The following TMEM114 variants were observed in gnomAD, a reference collection of about 807,000 sequenced individuals.
TMEM114 encodes claudin-26.
Under a neutral mutation model 6.2 loss-of-function variants are expected in TMEM114, and 6 were observed. The observed-to-expected ratio is 0.97, with a 90% CI of 0.53 to 1.91. TMEM114 has a LOEUF of 1.91. Ranked by LOEUF, TMEM114 falls within the 40% of genes most tolerant of loss-of-function variation. The pLI, the probability that TMEM114 is intolerant of heterozygous loss-of-function variation, is 0.01. For synonymous variants in TMEM114, 104 were observed against 73.0 expected, an observed-to-expected ratio of 1.42 and a Z score of -2.16; for missense variants, 218 against 158.3, an observed-to-expected ratio of 1.38 and a Z score of -2.02.
chr16:8,583,449 G>A (rs958890373), intron 2 of TMEM114, among the ~76,000 whole-genome samples: 4 of 152,080 alleles, frequency 2.6e-5, no homozygotes, highest in African/African-American at 9.7e-5. Context: ...TGACTCATCA[G>A]AAGTCACACA....
At chr16:8,536,134 A>G (rs1405516186), downstream of TMEM114, among the ~76,000 whole-genome samples, 1 of 151,914 alleles carries the variant, frequency 6.6e-6, no homozygotes, top group African/African-American at 2.4e-5. Context: ...CTGAGGCAGG[A>G]CAATCACTTG....
rs1271015086 is a variant in TMEM114, at chr16:8,589,226, G to T, written c.288C>A (p.Ser96Arg). Residue 96 changes from serine (S) to arginine (R), a missense_variant, in exon 2 of 4, where the codon AGC becomes AGA. Physicochemically the swap from Ser to Arg is moderately radical, Grantham distance 110. Coordinates refer to ENST00000620492, the MANE Select transcript of TMEM114 (RefSeq NM_001146336.2). ...RLENVTVSESSRQLLTMHGTF... is the reference protein window; with the variant it reads ...RLENVTVSESRRQLLTMHGTF... ...CCCCGGACTCACTGAGAAGTTGCCG[G>T]CTCGATTCGCTGACTGTCACGTTCT... The T allele has an allele frequency of 2.5e-6, 1 of 398,782 alleles. No individual in the cohort carries two copies. The highest frequency in any genetic ancestry group is 4.4e-6 in the Non-Finnish European group (1 of 226,292). 24.7% of individuals were successfully genotyped at this position (398,782 alleles called of 1,614,324 possible).
At chr16:8,538,715 C>G (rs1477109420) in intron 2 of TMEM114, among the ~76,000 whole-genome samples, 1 of 152,074 alleles carries the variant, frequency 6.6e-6, no homozygotes, top group African/African-American at 2.4e-5. Flanking sequence ...ACCCTGTTAG[C>G]CAGGATGGTG....
the TMEM114 span, among the ~76,000 whole-genome samples, chr16:8,531,083 G>A: frequency 6.6e-6 from 1 of 152,030 alleles, no homozygotes; most frequent in South Asian, 2.1e-4. Context: ...AAAAAAGGGA[G>A]GCCCATTGCA....
chr16:8,559,201 C>A (rs1437565538), intron 2 of TMEM114, among the ~76,000 whole-genome samples: 1 of 151,576 alleles, frequency 6.6e-6, no homozygotes, highest in East Asian at 1.9e-4. Context: ...CGCCACTACG[C>A]CCGGATAATT....
At chr16:8,565,909 A>G (rs1386634702), downstream of TMEM114, among the ~76,000 whole-genome samples, 2 of 152,238 alleles carry the variant, frequency 1.3e-5, no homozygotes. Context: ...GCCAGGGTTG[A>G]GAACCACTGT....
At chr16:8,561,896 G>C (rs573732633) in intron 2 of TMEM114, among the ~76,000 whole-genome samples, 7 of 134,542 alleles carry the variant, frequency 5.2e-5, no homozygotes, top group Admixed American at 1.5e-4. Flanking sequence ...GAGTGAATGA[G>C]TAAATGAGTG....
downstream of TMEM114, among the ~76,000 whole-genome samples, chr16:8,537,149 G>C (rs1900384473): frequency 6.6e-6 from 1 of 151,950 alleles, no homozygotes; most frequent in African/African-American, 2.4e-5. Flanking sequence ...AAGCTGCAGA[G>C]AGCTGTGATT....
the TMEM114 span, among the ~76,000 whole-genome samples, chr16:8,527,439 T>A: frequency 1.3e-5 from 2 of 152,208 alleles, no homozygotes; most frequent in Admixed American, 1.3e-4. Context: ...AGTCCTCTTG[T>A]CTGTGAGATG....
chr16:8,548,694 G>GTGTATATATATATATATATATATATATA (rs1555461967), intron 2 of TMEM114, among the ~76,000 whole-genome samples: 48 of 140,000 alleles, frequency 3.4e-4, no homozygotes, highest in Admixed American at 8.4e-4. Context: ...AAATTGCCAT[G>GTGTATATATATATATATATATATATATA]TATATATATA....
Position 8,569,914 on chromosome 16 carries a change from G to T in TMEM114, c.531C>A (p.Leu177=), listed in dbSNP as rs1232973643. 1.2e-5 allele frequency: 18 copies of T among 1,551,232 alleles called. No individual in the cohort carries two copies. The highest frequency in any genetic ancestry group is 1.5e-5 in the Non-Finnish European group (17 of 1,146,958). The change falls in exon 4 of 4, where the codon CTC becomes CTA. Residue 177 remains leucine, a synonymous_variant. Coordinates refer to ENST00000620492, the MANE Select transcript of TMEM114 (RefSeq NM_001146336.2). ...EALCLLEEKA[L]LDQVDISFGW... ...CGAAGCTGATGTCCACCTGGTCCAG[G>T]AGGGCCTTCTCCTCCAAGAGACACA...
chr16:8,553,842 G>T (rs992597647), intron 2 of TMEM114, among the ~76,000 whole-genome samples: 1 of 151,646 alleles, frequency 6.6e-6, no homozygotes, highest in Non-Finnish European at 1.5e-5. Flanking sequence ...TGGAATTACA[G>T]GCTCACACCA....
chr16:8,526,691 G>C, the TMEM114 span: 1 of 152,202 alleles, frequency 6.6e-6, no homozygotes, highest in African/African-American at 2.4e-5. Context: ...GCAGAACAGG[G>C]AGACAATTAA....
chr16:8,572,354 C>T (rs1373391576), intron 2 of TMEM114, 130 bp from the exon 3 acceptor site: 3 of 954,554 alleles, frequency 3.1e-6, no homozygotes, highest in Admixed American at 4.2e-5. Flanking sequence ...ACGACGATTA[C>T]TTCTACTGTT....
intron 2 of TMEM114, among the ~76,000 whole-genome samples, chr16:8,559,895 C>A (rs530479702): frequency 6.6e-6 from 1 of 152,162 alleles, no homozygotes; most frequent in South Asian, 2.1e-4. Flanking sequence ...AAGTCGGGAG[C>A]CTGGGGTGGC....
intron 3 of TMEM114, among the ~76,000 whole-genome samples, chr16:8,571,723 C>T (rs1180930176): frequency 6.6e-6 from 1 of 152,094 alleles, no homozygotes; most frequent in Admixed American, 6.6e-5. Flanking sequence ...AAAGCAGTAT[C>T]TATCAGAATG....
rs775857769 is a variant in TMEM114, at chr16:8,572,219, G to A, written c.307C>T (p.His103Tyr). ...SESSRQLLTMHGTFVILLPLS... is the reference protein window; with the variant it reads ...SESSRQLLTMYGTFVILLPLS... Reference sequence around the variant, plus strand: ...GGCAGCAGAATCACAAATGTCCCATGCATGGCTTAGAAGAGACAGAGAGGA... The same window carrying A: ...GGCAGCAGAATCACAAATGTCCCATACATGGCTTAGAAGAGACAGAGAGGA... The change falls in exon 3 of 4, where the codon CAT becomes TAT. Residue 103 changes from histidine (H) to tyrosine (Y), a missense_variant. Coordinates refer to ENST00000620492, the MANE Select transcript of TMEM114 (RefSeq NM_001146336.2). 9.0e-6 allele frequency: 14 copies of A among 1,551,548 alleles called. No homozygotes were observed. Among genetic ancestry groups the A allele is most frequent in the Middle Eastern group, 3.3e-4 (2 of 6,014 alleles).
intron 2 of TMEM114, among the ~76,000 whole-genome samples, chr16:8,548,899 C>A (rs1900756146): frequency 6.6e-6 from 1 of 152,110 alleles, no homozygotes; most frequent in African/African-American, 2.4e-5. Context: ...AATGCATGAT[C>A]TCGCCAGGCG....
rs1293707498 is a variant in TMEM114, at chr16:8,560,320, C to A, written n.213-22494G>T. On this transcript the variant is annotated intron_variant and non_coding_transcript_variant, in intron 2 of 2. Transcript: ENST00000623677. ...GCATGCCCAGTGATCTTGGATGCAT[C>A]CTTGACCTCCCTGAGTTTCTGTTGG... 2.6e-5 allele frequency among the ~76,000 whole-genome samples: 4 copies of A among 151,930 alleles called. No homozygotes were observed. In the South Asian group the frequency reaches 6.2e-4, roughly 24 times the overall value.
Sources: allele counts gnomAD v4.1 joint callset (sites outside exome capture counted in the v4.1 genomes callset), GRCh38; gene constraint gnomAD v4.1.1; transcripts MANE v1.5; gene names NCBI Gene and HGNC (gene_info 2026-07-23, HGNC 2026-07-21).